TRMT6: variants seen among roughly 807,000 people sequenced by gnomAD.
TRMT6 encodes tRNA methyltransferase 6 non-catalytic subunit.
TRMT6 carries 34 observed loss-of-function variants against 59.0 expected under a neutral mutation model. The ratio of observed to expected loss-of-function variants is 0.58; its 90% CI spans 0.44 to 0.77. TRMT6 has a LOEUF of 0.77. Ranked by LOEUF, TRMT6 falls within the 30% of genes least tolerant of loss-of-function variation. The probability of loss-of-function intolerance (pLI) is 0.00; values close to 1 mark genes in which losing one functional copy is unlikely to be tolerated. For synonymous variants in TRMT6, 217 were observed against 210.5 expected (o/e 1.03, Z -0.27); for missense variants, 575 against 604.5 (o/e 0.95, Z 0.51).
chr20:5,945,082 A>G (rs1210710805), intron 2 of TRMT6, among the ~76,000 whole-genome samples, 168 bp from the exon 3 acceptor site: 1 of 152,166 alleles, frequency 6.6e-6, no homozygotes, highest in African/African-American at 2.4e-5. Flanking sequence ...CAAGCCTCTA[A>G]GTCATCTTCC....
intron 10 of TRMT6, among the ~76,000 whole-genome samples, chr20:5,940,122 CTT>C (rs1434381019): frequency 7.2e-5 from 11 of 152,206 alleles, no homozygotes; most frequent in Admixed American, 7.2e-4. Flanking sequence ...CTCATGGAGA[CTT>C]TCTCCAGAGC....
At chr20:5,942,396 A>G in intron 7 of TRMT6, 32 bp downstream of exon 7, 1 of 1,576,416 alleles carries the variant, frequency 6.3e-7, no homozygotes, top group Non-Finnish European at 8.7e-7. Context: ...GACTGAGATT[A>G]TGGGGGTGGT....
chr20:5,943,524 G>C, intron 6 of TRMT6, 35 bp downstream of exon 6: 2 of 1,612,510 alleles, frequency 1.2e-6, no homozygotes, highest in Non-Finnish European at 1.7e-6. Flanking sequence ...ACATCAGGGT[G>C]GGGTTTTGTT....
chr20:5,937,616 T>C lies in TRMT6; in HGVS notation c.*919A>G, dbSNP rs904062948. ...ATGACACTAATACAATGAGAATTGG[T>C]CTAAGTCCTGCACAAGACTTTGATA... On this transcript the variant is annotated 3_prime_UTR_variant, in exon 11 of 11. Coordinates refer to ENST00000203001, the MANE Select transcript of TRMT6 (RefSeq NM_015939.5). The C allele has an allele frequency of 6.6e-6, 1 of 152,236 alleles. No individual in the cohort carries two copies. Among genetic ancestry groups the C allele is most frequent in the African/African-American group, 2.4e-5 (1 of 41,462 alleles). The allele number at this position is 152,236 out of a possible 1,614,324, so 9.4% of individuals were successfully genotyped here.
At position 5,945,626 on chromosome 20, in the gene TRMT6, T is replaced by C. The variant is rs532008636; in HGVS notation, c.257-712A>G. On this transcript the variant is annotated intron_variant, in intron 2 of 10. Transcript: ENST00000203001. ...CTGCTATAATTGCAGCGCCAAATTA[T>C]ACCTGGCATATATTTGGTGCTTAGT... 5.3e-5 allele frequency among the ~76,000 whole-genome samples: 8 copies of C among 152,362 alleles called. No individual in the cohort carries two copies. The South Asian group carries it at 1.7e-3, about 32-fold the overall frequency.
Position 5,938,266 on chromosome 20 carries a change from AG to A in TRMT6, c.*268del, listed in dbSNP as rs2088624385. 1 of 331,710 alleles carries A rather than the reference AG, an allele frequency of 3.0e-6. No individual in the cohort carries two copies. The highest frequency in any genetic ancestry group is 5.5e-6 in the Non-Finnish European group (1 of 183,116). 20.5% of individuals were successfully genotyped at this position (331,710 alleles called of 1,614,324 possible). A position where few individuals can be genotyped will look rare whatever the true frequency, so the allele number is the denominator to read the frequency against. ...CATTTTTAGGATGTTGAAGTTCTCA[AG>A]ATATTTGCACAGAATATTTAGAAGT... On this transcript the variant is annotated 3_prime_UTR_variant, in exon 11 of 11. Transcript: ENST00000203001.
At position 5,950,386 on chromosome 20, in the gene TRMT6, T is replaced by A. The variant is rs761819789; in HGVS notation, c.20A>T (p.Gln7Leu). 3 of 1,604,898 alleles carry A rather than the reference T, an allele frequency of 1.9e-6. No individual in the cohort carries two copies. The highest frequency in any genetic ancestry group is 2.7e-5 in the African/African-American group (2 of 74,924). ...GGGATGCTGTGGTTGTGGGCCCGGC[T>A]GCTCCCCTGAGCCCTCCATGACGCT... MEGSGE[Q>L]PGPQPQHPGD... Residue 7 changes from glutamine to leucine, a missense_variant, in exon 1 of 11, where the codon CAG (glutamine) becomes CTG (leucine). Gln to Leu is a moderately radical substitution (Grantham distance 113, BLOSUM62 -2). Transcript: ENST00000203001.
chr20:5,938,306 T>C lies in TRMT6; in HGVS notation c.*229A>G. ...ATATTTAGAAGTACTTAGAGGAGTTTTGTTAAATGCAGTTGGTCATACTAC... is the reference window on the plus strand; with the variant it reads ...ATATTTAGAAGTACTTAGAGGAGTTCTGTTAAATGCAGTTGGTCATACTAC... On this transcript the variant is annotated 3_prime_UTR_variant, in exon 11 of 11. Coordinates refer to ENST00000203001, the MANE Select transcript of TRMT6 (RefSeq NM_015939.5). The C allele has an allele frequency of 2.3e-6, 1 of 437,694 alleles. No individual in the cohort carries two copies. The highest frequency in any genetic ancestry group is 4.1e-6 in the Non-Finnish European group (1 of 246,264). 27.1% of individuals were successfully genotyped at this position (437,694 alleles called of 1,614,324 possible). A position where few individuals can be genotyped will look rare whatever the true frequency, so the allele number is the denominator to read the frequency against.
chr20:5,944,744 C>T, intron 3 of TRMT6, 61 bp downstream of exon 3: 2 of 1,350,550 alleles, frequency 1.5e-6, no homozygotes, highest in South Asian at 1.2e-5. Context: ...GCTTTAAAAA[C>T]CCAACAGTTT....
Position 5,943,657 on chromosome 20 carries a change from T to C in TRMT6, c.569A>G (p.Gln190Arg), listed in dbSNP as rs1409749863. The change falls in exon 6 of 11, where the codon CAG (glutamine) becomes CGG (arginine). Residue 190 changes from glutamine (Q) to arginine (R), a missense_variant. Physicochemically the swap from Gln to Arg is conservative, Grantham distance 43. Coordinates refer to ENST00000203001, the MANE Select transcript of TRMT6 (RefSeq NM_015939.5). ...ACGGATATTTCCCAACGTCAACATC[T>C]GGGCTAGTGTATCGTATCTCATGTG... ...INHMRYDTLA[Q>R]MLTLGNIRAG... The C allele has an allele frequency of 6.2e-7, 1 of 1,614,122 alleles. No individual in the cohort carries two copies. Among genetic ancestry groups the C allele is most frequent in the African/African-American group, 1.3e-5 (1 of 74,952 alleles).
At chr20:5,939,992 C>T (rs1399942453) in intron 10 of TRMT6, among the ~76,000 whole-genome samples, 1 of 152,216 alleles carries the variant, frequency 6.6e-6, no homozygotes, top group African/African-American at 2.4e-5. Flanking sequence ...AGCATTCATA[C>T]CGAGGGAGGC....
chr20:5,950,255 C>T (rs891957203), intron 1 of TRMT6, 23 bp downstream of exon 1: 1 of 1,586,110 alleles, frequency 6.3e-7, no homozygotes, highest in Admixed American at 1.7e-5. Context: ...CGGGAGACCC[C>T]TAAAATCAGC....
chr20:5,944,358 A>G, intron 3 of TRMT6, 105 bp from the exon 4 acceptor site: 1 of 636,642 alleles, frequency 1.6e-6, no homozygotes. Flanking sequence ...CTGATTCTCC[A>G]ATCCCTTTTC....
intron 3 of TRMT6, among the ~76,000 whole-genome samples, chr20:5,944,559 T>G (rs2088688341): frequency 6.6e-6 from 1 of 152,236 alleles, no homozygotes; most frequent in African/African-American, 2.4e-5. Context: ...TGAACAAAGT[T>G]AAATCCTGAT....
chr20:5,943,855 C>T, intron 5 of TRMT6, 93 bp downstream of exon 5: 2 of 1,530,486 alleles, frequency 1.3e-6, no homozygotes, highest in East Asian at 2.3e-5. Flanking sequence ...ATACTTTATG[C>T]AGGTGAGCAA....
In TRMT6 at chr20:5,937,572, T is replaced by A. The variant is rs1357803306; in HGVS notation, c.*963A>T. 6.6e-6 allele frequency: 1 copy of A among 152,356 alleles called. No homozygotes were observed. Among genetic ancestry groups the A allele is most frequent in the East Asian group, 1.9e-4 (1 of 5,194 alleles). The allele number at this position is 152,356 out of a possible 1,614,324, so 9.4% of individuals were successfully genotyped here. ...GCATTAATAATCAAGAAAGGCACTTTAGGGACATTTGACAAGGAATGACAC... is the reference window on the plus strand; with the variant it reads ...GCATTAATAATCAAGAAAGGCACTTAAGGGACATTTGACAAGGAATGACAC... On this transcript the variant is annotated 3_prime_UTR_variant, in exon 11 of 11. Coordinates refer to ENST00000203001, the MANE Select transcript of TRMT6 (RefSeq NM_015939.5).
rs370807559 is a variant in TRMT6, at chr20:5,946,512, C to T, written c.150G>A (p.Gln50=). Residue 50 remains glutamine, a synonymous_variant, in exon 2 of 11, where the codon CAG becomes CAA. Transcript: ENST00000203001. ...QRRKKVTFEK[Q]WFYLDNVIGH... is the part of the protein sequence containing the mutation. ...CAATGACGTTATCCAGGTAGAACCACTGTTTTTCGAAAGTTACTTTTCTAG... is the reference window on the plus strand; with the variant it reads ...CAATGACGTTATCCAGGTAGAACCATTGTTTTTCGAAAGTTACTTTTCTAG... 9 of 1,613,978 alleles carry T rather than the reference C, an allele frequency of 5.6e-6. No homozygotes were observed. The highest frequency in any genetic ancestry group is 2.7e-5 in the African/African-American group (2 of 74,902).
intron 1 of TRMT6, among the ~76,000 whole-genome samples, chr20:5,948,761 C>A (rs1366181734): frequency 6.6e-6 from 1 of 152,100 alleles, no homozygotes; most frequent in Non-Finnish European, 1.5e-5. Flanking sequence ...CATTTCCGGA[C>A]TAAAAGAAAC....
At chr20:5,948,953 T>C (rs2088737319) in intron 1 of TRMT6, among the ~76,000 whole-genome samples, 1 of 152,170 alleles carries the variant, frequency 6.6e-6, no homozygotes. Flanking sequence ...CTGAAGTAAG[T>C]ACTTATCAGA....
Sources: allele counts gnomAD v4.1 joint callset (sites outside exome capture counted in the v4.1 genomes callset), GRCh38; gene constraint gnomAD v4.1.1; transcripts MANE v1.5; gene names NCBI Gene and HGNC (gene_info 2026-07-23, HGNC 2026-07-21).